The following MAP2K6 variants were observed in gnomAD, a reference collection of about 807,000 sequenced individuals.
MAP2K6 encodes the protein mitogen-activated protein kinase kinase 6.
Under a neutral mutation model 53.7 loss-of-function variants are expected in MAP2K6, and 16 were observed. That is an observed-to-expected ratio of 0.30 (90% CI 0.20 to 0.45). MAP2K6 has a LOEUF of 0.45. MAP2K6 is among the 20% of genes least tolerant of loss of function. The pLI is 1.00. For missense variants in MAP2K6, 204 were observed against 411.9 expected (o/e 0.50, Z 4.37); for synonymous variants, 132 against 143.1 (o/e 0.92, Z 0.55).
At chr17:69,539,814 T>C (rs910315797) in intron 11 of MAP2K6, among the ~76,000 whole-genome samples, 1 of 152,170 alleles carries the variant, frequency 6.6e-6, no homozygotes, top group African/African-American at 2.4e-5. Context: ...GATTTCCAAA[T>C]GTCCAGAGGA....
chr17:69,450,020 C>T (rs12942981), intron 1 of MAP2K6, among the ~76,000 whole-genome samples: 50,920 of 151,330 alleles, frequency 0.34, 9,925 homozygotes, highest in Admixed American at 0.43. Context: ...CTGCAACCTC[C>T]GCCTCCCAGG....
rs1911990626 is a variant in MAP2K6, at chr17:69,548,984, T to C, written c.*7231T>C. On this transcript the variant is annotated 3_prime_UTR_variant, in exon 12 of 12. Transcript: ENST00000590474. ...AAGTAAAAAATTTTGTAGTAGGGAA[T>C]TTTTGTTGGTAAGAAATCAGTATCA... 1 of 152,154 alleles carries C rather than the reference T, an allele frequency of 6.6e-6. No individual in the cohort carries two copies. Among genetic ancestry groups the C allele is most frequent in the African/African-American group, 2.4e-5 (1 of 41,422 alleles). The allele number at this position is 152,154 out of a possible 1,614,324, so 9.4% of individuals were successfully genotyped here.
At chr17:69,495,721 A>G (rs1181805441) in intron 1 of MAP2K6, among the ~76,000 whole-genome samples, 4 of 148,252 alleles carry the variant, frequency 2.7e-5, no homozygotes, top group Non-Finnish European at 6.0e-5. Flanking sequence ...ACATTTCAGT[A>G]TTATCTCTAA....
At chr17:69,516,718 C>T in intron 2 of MAP2K6, 137 bp from the exon 3 acceptor site, 2 of 634,600 alleles carry the variant, frequency 3.2e-6, no homozygotes, top group Non-Finnish European at 2.8e-6. Flanking sequence ...CTTATTCACA[C>T]TCATAGGCTG....
At chr17:69,486,961 A>G (rs1040501065) in intron 1 of MAP2K6, among the ~76,000 whole-genome samples, 1 of 152,160 alleles carries the variant, frequency 6.6e-6, no homozygotes, top group East Asian at 1.9e-4. Context: ...GAAGGTGAAA[A>G]TATGTTGGGC....
intron 1 of MAP2K6, among the ~76,000 whole-genome samples, chr17:69,500,719 G>A (rs1016388408): frequency 1.3e-4 from 19 of 150,344 alleles, no homozygotes; most frequent in Admixed American, 6.7e-5. Context: ...TTGTGCCACT[G>A]TACTCCAGGC....
intron 1 of MAP2K6, among the ~76,000 whole-genome samples, chr17:69,426,126 A>G (rs139131224): frequency 1.3e-5 from 2 of 152,292 alleles, no homozygotes; most frequent in African/African-American, 4.8e-5. Flanking sequence ...CTTGGGCTCA[A>G]ACATCCTCCT....
intron 8 of MAP2K6, 31 bp downstream of exon 8, chr17:69,523,672 A>T: frequency 6.2e-7 from 1 of 1,609,230 alleles, no homozygotes; most frequent in Non-Finnish European, 8.5e-7. Flanking sequence ...GGCATCTGGT[A>T]ATGTCACTGC....
chr17:69,476,405 A>G (rs1374158079), intron 1 of MAP2K6, among the ~76,000 whole-genome samples: 1 of 152,230 alleles, frequency 6.6e-6, no homozygotes, highest in African/African-American at 2.4e-5. Flanking sequence ...TGTGTTTCTC[A>G]GGCTAGTCTC....
intron 1 of MAP2K6, among the ~76,000 whole-genome samples, chr17:69,456,055 T>C (rs1490280484): frequency 6.6e-6 from 1 of 152,080 alleles, no homozygotes; most frequent in Admixed American, 6.5e-5. Context: ...GAGATGTGGT[T>C]TCACCATGTT....
intron 8 of MAP2K6, 78 bp downstream of exon 8, chr17:69,523,719 A>C: frequency 1.9e-6 from 3 of 1,569,280 alleles, no homozygotes; most frequent in Non-Finnish European, 1.7e-6. Context: ...ATGGATGGCC[A>C]CAGAGGGAAA....
intron 1 of MAP2K6, among the ~76,000 whole-genome samples, chr17:69,445,928 A>C (rs2145152386): frequency 6.6e-6 from 1 of 152,350 alleles, no homozygotes. Flanking sequence ...TATCAGCTTC[A>C]GTTTCAAATG....
rs556324790 is a variant in MAP2K6, at chr17:69,459,922, C to T, written c.16+44922C>T. On this transcript the variant is annotated intron_variant, in intron 1 of 11. Transcript: ENST00000590474. Reference sequence around the variant, plus strand: ...TTCTTCTTTCCTTTTCCCCTCCTTCCTCCCTTCGTTCCTCTTTTTCTTCCT... The same window carrying T: ...TTCTTCTTTCCTTTTCCCCTCCTTCTTCCCTTCGTTCCTCTTTTTCTTCCT... Among the ~76,000 whole-genome samples the T allele has an allele frequency of 2.7e-4, 41 of 150,128 alleles. 1 individual carries two copies. Among genetic ancestry groups the T allele is most frequent in the Admixed American group, 2.1e-3 (32 of 15,028 alleles).
chr17:69,442,655 A>G (rs911983352), intron 1 of MAP2K6, among the ~76,000 whole-genome samples: 3 of 152,196 alleles, frequency 2.0e-5, no homozygotes, highest in East Asian at 1.9e-4. Context: ...TTGCAGTTCA[A>G]TGGTACAGAA....
At chr17:69,525,510 A>C (rs759640995) in intron 9 of MAP2K6, among the ~76,000 whole-genome samples, 1 of 152,210 alleles carries the variant, frequency 6.6e-6, no homozygotes, top group Non-Finnish European at 1.5e-5. Context: ...GAGTAATTTA[A>C]AAGAAAAAGA....
intron 1 of MAP2K6, among the ~76,000 whole-genome samples, chr17:69,486,067 T>G (rs1908525488): frequency 6.6e-6 from 1 of 152,184 alleles, no homozygotes; most frequent in Non-Finnish European, 1.5e-5. Context: ...AAGAGCCTTG[T>G]GCTAAAATTA....
At chr17:69,499,997 A>T (rs116057227) in intron 1 of MAP2K6, among the ~76,000 whole-genome samples, 1 of 152,142 alleles carries the variant, frequency 6.6e-6, no homozygotes, top group African/African-American at 2.4e-5. Flanking sequence ...GGAAGGTTCT[A>T]TGAGGGAGGT....
intron 8 of MAP2K6, among the ~76,000 whole-genome samples, chr17:69,524,054 G>A (rs1598309856): frequency 6.6e-6 from 1 of 151,966 alleles, no homozygotes; most frequent in East Asian, 1.9e-4. Context: ...TTTAATAAGG[G>A]CCCCAATCCT....
intron 1 of MAP2K6, among the ~76,000 whole-genome samples, chr17:69,482,536 T>C (rs1908384005): frequency 1.3e-5 from 2 of 152,020 alleles, no homozygotes; most frequent in Non-Finnish European, 1.5e-5. Context: ...CATTTTCTTA[T>C]ACAAATGGTA....
Sources: gnomAD v4.1 joint callset for allele counts (sites outside exome capture counted in the v4.1 genomes callset) on GRCh38, gnomAD v4.1.1 for gene constraint, MANE v1.5 for transcripts, NCBI Gene and HGNC (gene_info 2026-07-23, HGNC 2026-07-21) for gene names.